CSMD3: variants seen among roughly 807,000 people sequenced by gnomAD.
CSMD3 encodes the protein CUB and sushi domain-containing protein 3.
CSMD3 carries 177 observed loss-of-function variants against 435.2 expected under a neutral mutation model. That is an observed-to-expected ratio of 0.41 (90% CI 0.36 to 0.46). The LOEUF is 0.46. CSMD3 is among the 20% of genes least tolerant of loss of function. CSMD3 has a pLI of 0.34. For synonymous variants in CSMD3, 1,656 were observed against 1,520.5 expected, an observed-to-expected ratio of 1.09 and a Z score of -2.07; for missense variants, 4,265 against 4,504.6, an observed-to-expected ratio of 0.95 and a Z score of 1.52.
chr8:112,518,630 G>C (rs990821278), intron 27 of CSMD3, among the ~76,000 whole-genome samples: 1 of 110,666 alleles, frequency 9.0e-6, no homozygotes, highest in Non-Finnish European at 2.1e-5. Flanking sequence ...GTGTGTGTGT[G>C]AGAGAGAGAG....
At chr8:113,065,984 A>C (rs557990229) in intron 5 of CSMD3, among the ~76,000 whole-genome samples, 1 of 151,722 alleles carries the variant, frequency 6.6e-6, no homozygotes, top group South Asian at 2.1e-4. Context: ...TGGGTATGTA[A>C]ATATGAATGC....
intron 1 of CSMD3, among the ~76,000 whole-genome samples, chr8:113,419,226 C>G (rs1397829098): frequency 6.7e-6 from 1 of 148,960 alleles, no homozygotes; most frequent in Non-Finnish European, 1.5e-5. Flanking sequence ...TCAATTGATT[C>G]TCCTGCCTCA....
intron 19 of CSMD3, among the ~76,000 whole-genome samples, chr8:112,647,885 A>T (rs2075026180): frequency 6.6e-6 from 1 of 152,184 alleles, no homozygotes; most frequent in African/African-American, 2.4e-5. Flanking sequence ...CTATAGAGTT[A>T]CTTGGAAGAG....
chr8:113,093,423 G>T (rs566442662), intron 5 of CSMD3, among the ~76,000 whole-genome samples: 62 of 152,220 alleles, frequency 4.1e-4, no homozygotes, highest in Non-Finnish European at 7.5e-4. Context: ...GAATAAGAAT[G>T]AAGGATGTTC....
intron 2 of CSMD3, among the ~76,000 whole-genome samples, chr8:113,289,535 GA>G: frequency 7.6e-6 from 1 of 131,222 alleles, no homozygotes; most frequent in East Asian, 2.3e-4. Flanking sequence ...TTCTCAATTA[GA>G]AGACAGACAG....
intron 63 of CSMD3, among the ~76,000 whole-genome samples, chr8:112,253,383 C>T (rs544023183): frequency 6.6e-6 from 1 of 152,016 alleles, no homozygotes; most frequent in Non-Finnish European, 1.5e-5. Flanking sequence ...ATTGGAAATG[C>T]TATCAAATCA....
At chr8:112,903,695 A>T (rs2082172259) in intron 10 of CSMD3, among the ~76,000 whole-genome samples, 1 of 151,322 alleles carries the variant, frequency 6.6e-6, no homozygotes, top group Admixed American at 6.6e-5. Flanking sequence ...CACCTGCTGG[A>T]TGTCTCTGAC....
chr8:112,688,906 A>C (rs2076071244), intron 14 of CSMD3, among the ~76,000 whole-genome samples: 1 of 152,016 alleles, frequency 6.6e-6, no homozygotes, highest in Non-Finnish European at 1.5e-5. Context: ...CTCTTAAAAT[A>C]TTTTTATTTT....
Position 112,788,605 on chromosome 8 carries a change from C to T in CSMD3, c.1972+11557G>A, listed in dbSNP as rs1188388144. ...ATTATTTTTAAGTATCAGTCTTTGT[C>T]CCACTAAACTGAAAATAATGACTAA... On this transcript the variant is annotated intron_variant, in intron 13 of 70. Coordinates refer to ENST00000297405, the MANE Select transcript of CSMD3 (RefSeq NM_198123.2). Among the ~76,000 whole-genome samples, 3 of 152,190 alleles carry T rather than the reference C, an allele frequency of 2.0e-5. No homozygotes were observed. In the East Asian group the frequency reaches 5.8e-4, roughly 29 times the overall value.
intron 3 of CSMD3, among the ~76,000 whole-genome samples, chr8:113,181,598 AT>A (rs2092422894): frequency 6.6e-6 from 1 of 152,090 alleles, no homozygotes; most frequent in Non-Finnish European, 1.5e-5. Context: ...CAAAAACGAT[AT>A]TATATTTTTG....
chr8:113,340,797 A>C (rs1244997185), intron 1 of CSMD3, among the ~76,000 whole-genome samples: 1 of 151,982 alleles, frequency 6.6e-6, no homozygotes, highest in African/African-American at 2.4e-5. Context: ...TGAGCTTGGA[A>C]GTCGGAGGTT....
chr8:112,806,552 T>C (rs188082446), intron 12 of CSMD3, among the ~76,000 whole-genome samples: 7 of 152,308 alleles, frequency 4.6e-5, no homozygotes, highest in Admixed American at 4.6e-4. Context: ...AGAACAAGCA[T>C]TGATCCCAGT....
At chr8:112,500,109 C>CAA (rs201546221) in intron 30 of CSMD3, among the ~76,000 whole-genome samples, 11 of 144,510 alleles carry the variant, frequency 7.6e-5, no homozygotes, top group African/African-American at 2.8e-4. Flanking sequence ...ACTCTGTCTC[C>CAA]AAAAAAAAAC....
intron 3 of CSMD3, among the ~76,000 whole-genome samples, chr8:113,189,163 C>A (rs150423513): frequency 1.3e-5 from 2 of 151,604 alleles, no homozygotes; most frequent in African/African-American, 4.8e-5. Flanking sequence ...TGTATTTTAC[C>A]TTTTTAAGCA....
intron 5 of CSMD3, among the ~76,000 whole-genome samples, chr8:113,093,321 T>C (rs560831943): frequency 5.8e-4 from 88 of 151,596 alleles, no homozygotes; most frequent in South Asian, 2.5e-3. Flanking sequence ...ATATACAGAA[T>C]GGATGATGGA....
At chr8:112,425,709 G>A (rs1402964191) in intron 32 of CSMD3, among the ~76,000 whole-genome samples, 5 of 152,076 alleles carry the variant, frequency 3.3e-5, no homozygotes, top group African/African-American at 4.8e-5. Flanking sequence ...ATTCCCCACT[G>A]TGGTAAAACT....
At chr8:112,989,070 C>T (rs1420801396) in intron 6 of CSMD3, among the ~76,000 whole-genome samples, 6 of 151,940 alleles carry the variant, frequency 3.9e-5, no homozygotes, top group Non-Finnish European at 8.8e-5. Flanking sequence ...ATGCCAGAGG[C>T]TGGATGATCC....
At chr8:113,398,815 G>C (rs987321950) in intron 1 of CSMD3, among the ~76,000 whole-genome samples, 5 of 151,806 alleles carry the variant, frequency 3.3e-5, no homozygotes, top group African/African-American at 1.2e-4. Flanking sequence ...GTCAAATTTA[G>C]ATAAAAATAT....
chr8:112,573,926 C>T (rs545026686), intron 23 of CSMD3, among the ~76,000 whole-genome samples: 39 of 151,774 alleles, frequency 2.6e-4, no homozygotes, highest in Non-Finnish European at 5.2e-4. Flanking sequence ...TTTAAAAATG[C>T]TTTTTCTGGG....
Sources: allele counts gnomAD v4.1 joint callset (sites outside exome capture counted in the v4.1 genomes callset), GRCh38; gene constraint gnomAD v4.1.1; transcripts MANE v1.5; gene names NCBI Gene and HGNC (gene_info 2026-07-23, HGNC 2026-07-21).